GFM1: variants seen among roughly 807,000 people sequenced by gnomAD.
GFM1 encodes elongation factor G, mitochondrial.
GFM1 carries 62 observed loss-of-function variants against 96.2 expected under a neutral mutation model. That is an observed-to-expected ratio of 0.64 (90% CI 0.53 to 0.80). GFM1 has a LOEUF of 0.80. Ranked by LOEUF, GFM1 falls within the 30% of genes least tolerant of loss-of-function variation. The pLI is 0.00. For synonymous variants in GFM1, 282 were observed against 312.9 expected (o/e 0.90, Z 1.04); for missense variants, 852 against 916.6 (o/e 0.93, Z 0.91).
rs761820849 is a variant in GFM1, at chr3:158,666,745, C to T, written c.1601+359C>T. On this transcript the variant is annotated intron_variant, in intron 13 of 17. Coordinates refer to ENST00000486715, the MANE Select transcript of GFM1 (RefSeq NM_024996.7). The stretch of plus-strand genomic sequence containing the variant: ...CTTGCATTTGCCAGGGAATAATCTC[C>T]TGCAAGTGAAGAAAATTAATGCCAT... The T allele has an allele frequency of 2.5e-6, 4 of 1,610,502 alleles. No homozygotes were observed. The Admixed American group carries it at 5.0e-5, about 20-fold the overall frequency.
intron 4 of GFM1, among the ~76,000 whole-genome samples, chr3:158,647,574 T>C (rs1268907502): frequency 6.6e-6 from 1 of 152,222 alleles, no homozygotes; most frequent in African/African-American, 2.4e-5. Flanking sequence ...CATGGCATAG[T>C]TGATGGATAT....
Position 158,644,698 on chromosome 3 carries a change from G to A in GFM1, c.64G>A (p.Gly22Ser), listed in dbSNP as rs1721598558. Reference sequence around the variant, plus strand: ...GCGCGGAAGGGCCCCCGCCTCCCTAGGCTGGCAGAGGAAGCAGGTACCGGA... The same window carrying A: ...GCGCGGAAGGGCCCCCGCCTCCCTAAGCTGGCAGAGGAAGCAGGTACCGGA... ...LGRGRAPASL[G>S]WQRKQVNWKA... The change falls in exon 1 of 18, where the codon GGC becomes AGC. Residue 22 changes from glycine to serine, a missense_variant. By Grantham distance (56) the Gly-to-Ser change is moderately conservative. Transcript: ENST00000486715. The A allele has an allele frequency of 6.3e-7, 1 of 1,577,544 alleles. No individual in the cohort carries two copies. Among genetic ancestry groups the A allele is most frequent in the Non-Finnish European group, 8.6e-7 (1 of 1,162,374 alleles).
intron 16 of GFM1, 91 bp downstream of exon 16, chr3:158,690,414 C>T (rs1726216234): frequency 7.9e-7 from 1 of 1,260,220 alleles, no homozygotes. Flanking sequence ...GACACATTTC[C>T]TTGCTGAATT....
rs1266754014 is a variant in GFM1 at position 158,653,389 on chromosome 3, A to G, written c.920A>G (p.Gln307Arg). 6.2e-7 allele frequency: 1 copy of G among 1,612,984 alleles called. No individual in the cohort carries two copies. The highest frequency in any genetic ancestry group is 2.2e-5 in the East Asian group (1 of 44,814). Reference protein sequence around the residue: ...LGSALKNKGVQPLLDAVLEYL... With the variant: ...LGSALKNKGVRPLLDAVLEYL... ...AGCGCCTTGAAGAACAAAGGAGTTC[A>G]GCCTCTTTTAGATGCTGTTTTAGAA... The change falls in exon 7 of 18, where the codon CAG (glutamine) becomes CGG (arginine). Residue 307 changes from glutamine to arginine, a missense_variant. Transcript: ENST00000486715.
Position 158,691,497 on chromosome 3 carries a change from A to G in GFM1, c.*30A>G, listed in dbSNP as rs1726321253. The G allele has an allele frequency of 1.2e-6, 2 of 1,611,630 alleles. No individual in the cohort carries two copies. The highest frequency in any genetic ancestry group is 1.3e-5 in the African/African-American group (1 of 74,980). ...GCTTACTGTGAGTTGACTGACTCTA[A>G]TTGAATCTGCGTGGTTTTGATACTT... On this transcript the variant is annotated 3_prime_UTR_variant, in exon 18 of 18. Coordinates refer to ENST00000486715, the MANE Select transcript of GFM1 (RefSeq NM_024996.7).
chr3:158,644,743 G>T (rs1373395774), intron 1 of GFM1, 28 bp downstream of exon 1: 1 of 1,543,910 alleles, frequency 6.5e-7, no homozygotes, highest in East Asian at 2.4e-5. Context: ...GGCTAAATCG[G>T]GACCATTCCC....
chr3:158,687,156 C>T lies in GFM1; in HGVS notation c.1909+2488C>T, dbSNP rs148965389. 6.0e-3 allele frequency among the ~76,000 whole-genome samples: 920 copies of T among 152,078 alleles called. 5 individuals are homozygous for T. The highest frequency in any genetic ancestry group is 0.021 in the African/African-American group (888 of 41,458). On this transcript the variant is annotated intron_variant, in intron 15 of 17. Transcript: ENST00000486715. ...TAGCTGGGAGTACAGGGGCATGCCA[C>T]CATGCCTGGCTAATTTTTTATTATT...
intron 13 of GFM1, among the ~76,000 whole-genome samples, chr3:158,681,655 A>G (rs1280684629): frequency 6.6e-6 from 1 of 152,214 alleles, no homozygotes. Flanking sequence ...TAAGGAAAGA[A>G]CACTGTGTTC....
chr3:158,682,212 G>T (rs1180377812), intron 14 of GFM1, 55 bp downstream of exon 14: 2 of 1,408,540 alleles, frequency 1.4e-6, no homozygotes, highest in Non-Finnish European at 2.0e-6. Flanking sequence ...CAGTTTATCA[G>T]GTATTAAATC....
At chr3:158,651,020 C>CAAAAAAAAAAA in intron 5 of GFM1, 1 of 49,440 alleles carries the variant, frequency 2.0e-5, no homozygotes, top group Non-Finnish European at 3.7e-5. Context: ...GACTCCGTCT[C>CAAAAAAAAAAA]AAAAAAAAAA....
intron 13 of GFM1, among the ~76,000 whole-genome samples, chr3:158,671,729 G>A (rs1449229074): frequency 6.6e-6 from 1 of 152,154 alleles, no homozygotes; most frequent in Non-Finnish European, 1.5e-5. Context: ...AACAAACCTC[G>A]TTAGTGATTG....
chr3:158,653,160 A>T, intron 6 of GFM1, 150 bp from the exon 7 acceptor site: 1 of 617,244 alleles, frequency 1.6e-6, no homozygotes, highest in Non-Finnish European at 2.8e-6. Context: ...TTTTGACCTT[A>T]AGTTCATTGG....
Position 158,649,022 on chromosome 3 carries a change from G to C in GFM1, c.573-19G>C. 1 of 1,068,064 alleles carries C rather than the reference G, an allele frequency of 9.4e-7. No individual in the cohort carries two copies. Among genetic ancestry groups the C allele is most frequent in the African/African-American group, 1.6e-5 (1 of 64,170 alleles). The allele number at this position is 1,068,064 out of a possible 1,614,324, so 66.2% of individuals were successfully genotyped here. A position where few individuals can be genotyped will look rare whatever the true frequency, so the allele number is the denominator to read the frequency against. ...AGGGGAGAAGAAAAAAGGTAAACAA[G>C]TGTATTTTTATTTTTCAGGTCTAAA... is the stretch of plus-strand genomic sequence containing the variant. On this transcript the variant is annotated intron_variant, in intron 4 of 17. Transcript: ENST00000486715.
chr3:158,659,186 T>C, intron 9 of GFM1, 127 bp downstream of exon 9: 1 of 1,104,972 alleles, frequency 9.1e-7, no homozygotes, highest in South Asian at 1.4e-5. Flanking sequence ...TCTTTCTACT[T>C]AAATGTGTTG....
intron 9 of GFM1, 155 bp from the exon 10 acceptor site, chr3:158,660,719 G>C: frequency 1.5e-6 from 1 of 671,962 alleles, no homozygotes; most frequent in South Asian, 1.7e-5. Flanking sequence ...GTTGATTATT[G>C]TATTGGTTCT....
intron 13 of GFM1, among the ~76,000 whole-genome samples, chr3:158,680,289 C>T (rs1276989263): frequency 6.6e-6 from 1 of 152,056 alleles, no homozygotes; most frequent in Admixed American, 6.6e-5. Context: ...GAGTTCTCAT[C>T]CCTCAACCTC....
chr3:158,679,435 C>A (rs1052966925), intron 13 of GFM1, among the ~76,000 whole-genome samples: 4 of 152,108 alleles, frequency 2.6e-5, no homozygotes, highest in Non-Finnish European at 4.4e-5. Context: ...AATGTACTAT[C>A]TTCCTCAAAC....
chr3:158,677,600 G>A (rs1725011798), intron 13 of GFM1, among the ~76,000 whole-genome samples: 1 of 152,126 alleles, frequency 6.6e-6, no homozygotes, highest in African/African-American at 2.4e-5. Context: ...TGCTTCCTGG[G>A]TTCAAGCAGT....
At position 158,691,511 on chromosome 3, in the gene GFM1, G is replaced by A. The variant is rs1344083818; in HGVS notation, c.*44G>A. 6.2e-7 allele frequency: 1 copy of A among 1,607,246 alleles called. No individual in the cohort carries two copies. The highest frequency in any genetic ancestry group is 8.5e-7 in the Non-Finnish European group (1 of 1,175,702). On this transcript the variant is annotated 3_prime_UTR_variant, in exon 18 of 18. Transcript: ENST00000486715. The stretch of plus-strand genomic sequence containing the variant: ...GACTGACTCTAATTGAATCTGCGTG[G>A]TTTTGATACTTTGATGGATTCCAGT...
Sources: gnomAD v4.1 joint callset for allele counts (sites outside exome capture counted in the v4.1 genomes callset) on GRCh38, gnomAD v4.1.1 for gene constraint, MANE v1.5 for transcripts, NCBI Gene and HGNC (gene_info 2026-07-23, HGNC 2026-07-21) for gene names.